IPO7: variants seen among roughly 807,000 people sequenced by gnomAD.
IPO7 encodes the protein importin 7.
In IPO7, 13 loss-of-function variants were observed where a neutral mutation model predicts 136.4. The observed-to-expected ratio is 0.10, with a 90% CI of 0.06 to 0.15. The LOEUF is 0.15. IPO7 is among the 10% of genes least tolerant of loss of function. The probability of loss-of-function intolerance (pLI) is 1.00; values close to 1 mark genes in which losing one functional copy is unlikely to be tolerated. For missense variants in IPO7, 857 were observed against 1,240.6 expected, an observed-to-expected ratio of 0.69 and a Z score of 4.65; for synonymous variants, 403 against 404.4, an observed-to-expected ratio of 1.00 and a Z score of 0.04.
At chr11:9,433,671 C>G in intron 17 of IPO7, 35 bp downstream of exon 17, 1 of 1,612,494 alleles carries the variant, frequency 6.2e-7, no homozygotes, top group Non-Finnish European at 8.5e-7. Context: ...GAATTTAGTG[C>G]TATTTCACAT....
chr11:9,392,404 G>A (rs1049163636), intron 1 of IPO7: 2 of 227,152 alleles, frequency 8.8e-6, no homozygotes, highest in Non-Finnish European at 1.8e-5. Context: ...TCGAACTCCC[G>A]AGATCCGCCC....
intron 16 of IPO7, among the ~76,000 whole-genome samples, chr11:9,432,412 G>A (rs1277740860): frequency 1.3e-5 from 2 of 152,028 alleles, no homozygotes; most frequent in African/African-American, 4.8e-5. Context: ...ATGTTGGCCG[G>A]CAGGTCTGGA....
At chr11:9,403,167 G>C in intron 1 of IPO7, 123 bp from the exon 2 acceptor site, 1 of 693,548 alleles carries the variant, frequency 1.4e-6, no homozygotes, top group Non-Finnish European at 2.5e-6. Context: ...AATAAGACTG[G>C]AACCAGTTAT....
intron 2 of IPO7, among the ~76,000 whole-genome samples, chr11:9,404,441 A>G (rs1218070004): frequency 6.6e-6 from 1 of 151,964 alleles, no homozygotes; most frequent in Non-Finnish European, 1.5e-5. Context: ...CACCAGCCTG[A>G]GCAACAGAGT....
chr11:9,394,315 T>G (rs1354700901), intron 1 of IPO7, among the ~76,000 whole-genome samples: 3 of 152,116 alleles, frequency 2.0e-5, no homozygotes, highest in African/African-American at 7.2e-5. Flanking sequence ...TATTGGGAAA[T>G]TCGTTGATGT....
intron 1 of IPO7, chr11:9,392,365 C>T (rs551770533): frequency 7.3e-5 from 19 of 260,498 alleles, no homozygotes; most frequent in Non-Finnish European, 1.3e-4. Context: ...TTAGTAGAGA[C>T]GGGGTTTCTC....
intron 11 of IPO7, 36 bp downstream of exon 11, chr11:9,425,026 T>C (rs771994131): frequency 7.1e-7 from 1 of 1,410,414 alleles, no homozygotes. Context: ...CTTTTCTGTA[T>C]TATTTAAAAT....
intron 8 of IPO7, among the ~76,000 whole-genome samples, chr11:9,422,643 G>T (rs561502228): frequency 1.3e-5 from 2 of 152,124 alleles, no homozygotes; most frequent in South Asian, 4.2e-4. Flanking sequence ...CCAATACTGT[G>T]GTTTTTCAAT....
chr11:9,423,276 C>A, intron 9 of IPO7, 136 bp downstream of exon 9: 2 of 530,514 alleles, frequency 3.8e-6, no homozygotes, highest in Non-Finnish European at 6.6e-6. Context: ...GAGAGTATAG[C>A]AGAAAAAGGA....
At chr11:9,419,015 T>A (rs1855084414) in intron 6 of IPO7, among the ~76,000 whole-genome samples, 1 of 152,224 alleles carries the variant, frequency 6.6e-6, no homozygotes, top group African/African-American at 2.4e-5. Flanking sequence ...GATGGACATC[T>A]GGGTAGTTTT....
chr11:9,428,212 C>T (rs2133755104), intron 12 of IPO7, among the ~76,000 whole-genome samples: 2 of 152,204 alleles, frequency 1.3e-5, no homozygotes, highest in South Asian at 4.1e-4. Context: ...TATTTTCAGC[C>T]AGAAACTTTA....
chr11:9,397,332 T>TAAAAAAAAAAAA lies in IPO7; in HGVS notation c.85-5958_85-5957insAAAAAAAAAAAA, dbSNP rs757736784. Among the ~76,000 whole-genome samples the TAAAAAAAAAAAA allele has an allele frequency of 7.1e-3, 86 of 12,118 alleles. 31 individuals carry two copies. Among genetic ancestry groups the TAAAAAAAAAAAA allele is most frequent in the East Asian group, 0.03 (4 of 132 alleles). 7.9% of individuals were successfully genotyped at this position (12,118 alleles called of 152,430 possible). On this transcript the variant is annotated intron_variant, in intron 1 of 24. Transcript: ENST00000379719. ...AAACCCCGTCTTTACTAAAAATAATTTAAAAAAAAATATATATATATATAT... is the reference window on the plus strand; with the variant it reads ...AAACCCCGTCTTTACTAAAAATAATTAAAAAAAAAAAATAAAAAAAAATATATATATATATAT...
At chr11:9,425,641 C>T (rs145835880) in intron 12 of IPO7, among the ~76,000 whole-genome samples, 2,192 of 151,908 alleles carry the variant, frequency 0.014, 50 homozygotes, top group African/African-American at 0.05. Context: ...TTTGGGAGAC[C>T]GAGGTGGGTG....
At chr11:9,435,176 T>C (rs1855352846) in intron 19 of IPO7, 145 bp downstream of exon 19, 1 of 607,084 alleles carries the variant, frequency 1.6e-6, no homozygotes, top group Non-Finnish European at 2.9e-6. Context: ...TTAAAAGTCA[T>C]TGGTCCCTAG....
At chr11:9,411,424 C>T (rs1010244000) in intron 4 of IPO7, among the ~76,000 whole-genome samples, 4 of 152,096 alleles carry the variant, frequency 2.6e-5, no homozygotes, top group Non-Finnish European at 4.4e-5. Flanking sequence ...AAGAGGAAGG[C>T]GTGTCACACC....
chr11:9,445,202 C>T lies in IPO7; in HGVS notation c.*8C>T, dbSNP rs761975581. 1.3e-5 allele frequency: 20 copies of T among 1,527,208 alleles called. No individual in the cohort carries two copies. Among genetic ancestry groups the T allele is most frequent in the Middle Eastern group, 1.8e-4 (1 of 5,688 alleles). 94.6% of individuals were successfully genotyped at this position (1,527,208 alleles called of 1,614,324 possible). A position where few individuals can be genotyped will look rare whatever the true frequency, so the allele number is the denominator to read the frequency against. On this transcript the variant is annotated 3_prime_UTR_variant, in exon 25 of 25. Transcript: ENST00000379719. ...GCACCAGGGATGAATTGAGTTATCT[C>T]TTTCTTTCCTGCTGTGTGCTTGTAG...
At chr11:9,443,159 C>T (rs1259591707) in intron 24 of IPO7, among the ~76,000 whole-genome samples, 2 of 151,832 alleles carry the variant, frequency 1.3e-5, no homozygotes, top group Non-Finnish European at 2.9e-5. Flanking sequence ...GCCGACATCA[C>T]GCCATTGCAC....
In IPO7 at chr11:9,442,089, A is replaced by G. The variant is rs1855466588; in HGVS notation, c.2911A>G (p.Asn971Asp). 6.4e-7 allele frequency: 1 copy of G among 1,554,010 alleles called. No homozygotes were observed. The highest frequency in any genetic ancestry group is 8.9e-7 in the Non-Finnish European group (1 of 1,128,334). The change falls in exon 24 of 25, where the codon AAT (asparagine) becomes GAT (aspartate). Residue 971 changes from asparagine to aspartate, a missense_variant. Transcript: ENST00000379719. ...TTTTTATTTTTTGATAGCTATTCAA[A>G]ATCGTAATCCTGTGTGGTATCAGGC... ...IFKAIFQTIQ[N>D]RNPVWYQALT...
chr11:9,422,140 G>A (rs953553200), intron 8 of IPO7, among the ~76,000 whole-genome samples: 1 of 152,124 alleles, frequency 6.6e-6, no homozygotes, highest in African/African-American at 2.4e-5. Context: ...TCAGCCAGGT[G>A]TGGTGGTGCA....
Sources: allele counts gnomAD v4.1 joint callset (sites outside exome capture counted in the v4.1 genomes callset), GRCh38; gene constraint gnomAD v4.1.1; transcripts MANE v1.5; gene names NCBI Gene and HGNC (gene_info 2026-07-23, HGNC 2026-07-21).